Variants in ARHGEF3 observed in about 807,000 individuals in gnomAD.
ARHGEF3 encodes Rho guanine nucleotide exchange factor 3, also known as 59.8 kDA protein.
A neutral mutation model predicts 63.2 loss-of-function variants in ARHGEF3; 28 were observed. The ratio of observed to expected loss-of-function variants is 0.44; its 90% CI spans 0.33 to 0.61. The LOEUF is 0.61. ARHGEF3 is among the 20% of genes least tolerant of loss of function. The pLI is 0.03. For missense variants in ARHGEF3, 533 were observed against 659.3 expected (o/e 0.81, Z 2.10); for synonymous variants, 266 against 254.2 (o/e 1.05, Z -0.44).
At chr3:57,060,463 C>T (rs1162162666) in intron 1 of ARHGEF3, 2 of 152,130 alleles carry the variant, frequency 1.3e-5, no homozygotes, top group Admixed American at 1.3e-4. Flanking sequence ...TACACCTGTC[C>T]CCACCCCCAC....
chr3:57,047,201 A>G (rs1483258786), intron 1 of ARHGEF3, among the ~76,000 whole-genome samples: 1 of 152,136 alleles, frequency 6.6e-6, no homozygotes, highest in Non-Finnish European at 1.5e-5. Context: ...TACAAAAATT[A>G]GCTGGGCGTG....
chr3:56,982,567 T>C (rs1203178780), intron 2 of ARHGEF3, among the ~76,000 whole-genome samples: 2 of 152,204 alleles, frequency 1.3e-5, no homozygotes, highest in African/African-American at 4.8e-5. Flanking sequence ...ACCTACCCTA[T>C]GTCTTACTTA....
chr3:56,786,186 A>G (rs2036799602), intron 1 of ARHGEF3, among the ~76,000 whole-genome samples: 1 of 152,232 alleles, frequency 6.6e-6, no homozygotes, highest in South Asian at 2.1e-4. Context: ...CTGATTATTC[A>G]GAATGGAAAA....
chr3:56,735,438 G>GA (rs1483143784), intron 8 of ARHGEF3, among the ~76,000 whole-genome samples: 65 of 149,878 alleles, frequency 4.3e-4, no homozygotes, highest in African/African-American at 1.4e-3. Flanking sequence ...TCTACCGGGT[G>GA]AAAAAAAAAC....
chr3:57,042,393 A>G (rs1019710353), intron 1 of ARHGEF3, among the ~76,000 whole-genome samples: 37 of 152,126 alleles, frequency 2.4e-4, no homozygotes, highest in African/African-American at 8.7e-4. Flanking sequence ...TGTTTCTAGC[A>G]AAAGAAAAAC....
intron 3 of ARHGEF3, among the ~76,000 whole-genome samples, chr3:56,921,460 G>C (rs1191411006): frequency 7.5e-6 from 1 of 132,952 alleles, no homozygotes; most frequent in Non-Finnish European, 1.7e-5. Context: ...GGTTATCAGG[G>C]AGGCATAAAG....
chr3:57,003,459 T>C (rs1702344628), intron 2 of ARHGEF3, among the ~76,000 whole-genome samples: 1 of 137,430 alleles, frequency 7.3e-6, no homozygotes, highest in African/African-American at 2.8e-5. Context: ...ACCAAGCTCA[T>C]GAGTGACTGA....
chr3:56,966,789 T>C (rs1475194507), intron 2 of ARHGEF3, among the ~76,000 whole-genome samples: 1 of 151,968 alleles, frequency 6.6e-6, no homozygotes, highest in African/African-American at 2.4e-5. Context: ...AAGGGAGTCA[T>C]AGGTGTCCAC....
intron 4 of ARHGEF3, among the ~76,000 whole-genome samples, chr3:56,878,972 T>C (rs926684336): frequency 4.6e-5 from 7 of 152,226 alleles, no homozygotes; most frequent in African/African-American, 1.7e-4. Context: ...ACACACCCTA[T>C]TGTGAACTGC....
intron 3 of ARHGEF3, among the ~76,000 whole-genome samples, chr3:56,907,675 T>C (rs1377747463): frequency 2.6e-5 from 4 of 152,228 alleles, no homozygotes. Flanking sequence ...CACCATGGAA[T>C]ACTATGCAGC....
chr3:56,779,760 AAATGGTTGAG>A (rs1337431706), intron 1 of ARHGEF3, among the ~76,000 whole-genome samples: 2 of 152,264 alleles, frequency 1.3e-5, no homozygotes, highest in African/African-American at 4.8e-5. Context: ...TTTTCTAACA[AAATGGTTGAG>A]AATGAGCCAT....
At chr3:56,740,880 A>G (rs1391886919) in intron 7 of ARHGEF3, among the ~76,000 whole-genome samples, 1 of 152,242 alleles carries the variant, frequency 6.6e-6, no homozygotes, top group African/African-American at 2.4e-5. Flanking sequence ...CGCTATAGTC[A>G]TAAATATGTG....
intron 2 of ARHGEF3, among the ~76,000 whole-genome samples, chr3:56,973,014 T>C (rs1700980224): frequency 6.8e-6 from 1 of 147,870 alleles, no homozygotes; most frequent in Non-Finnish European, 1.5e-5. Context: ...TGGTGAACAG[T>C]TTTTTTGTTT....
intron 2 of ARHGEF3, among the ~76,000 whole-genome samples, chr3:57,024,811 C>CTTGTAATT (rs1361778672): frequency 6.6e-6 from 1 of 152,212 alleles, no homozygotes; most frequent in African/African-American, 2.4e-5. Flanking sequence ...ATTACAAATG[C>CTTGTAATT]TTATCCTTGT....
intron 1 of ARHGEF3, chr3:57,074,473 G>A (rs143352990): frequency 0.033 from 19,496 of 595,138 alleles, 401 homozygotes; most frequent in Non-Finnish European, 0.039. Context: ...GATTCAGAAA[G>A]GTTAAGTTAC....
At chr3:57,059,089 T>C (rs1705079444) in intron 1 of ARHGEF3, among the ~76,000 whole-genome samples, 1 of 151,936 alleles carries the variant, frequency 6.6e-6, no homozygotes, top group African/African-American at 2.4e-5. Flanking sequence ...CATGTATAGA[T>C]ATGTAACAAA....
intron 3 of ARHGEF3, among the ~76,000 whole-genome samples, chr3:56,932,697 G>A (rs1208154329): frequency 1.3e-5 from 2 of 152,238 alleles, no homozygotes; most frequent in Non-Finnish European, 2.9e-5. Context: ...TTTATGGTTC[G>A]TGACATAAAT....
intron 4 of ARHGEF3, among the ~76,000 whole-genome samples, chr3:56,816,326 A>G (rs2038269243): frequency 6.6e-6 from 1 of 152,198 alleles, no homozygotes; most frequent in Non-Finnish European, 1.5e-5. Flanking sequence ...TCTTACCCAA[A>G]ATACTTACTT....
rs397712262 is a variant in ARHGEF3 at position 56,779,486 on chromosome 3, ATTTT to A, written c.97-5674_97-5671del. ...ATGTCAAAATAAAAAGTTTTTTTTT[ATTTT>A]TTTTTTTTGTTTGTTTTTTTGAGAC... On this transcript the variant is annotated intron_variant, in intron 1 of 9. Transcript: ENST00000296315. 1.1e-3 allele frequency among the ~76,000 whole-genome samples: 166 copies of A among 149,916 alleles called. 1 individual carries two copies. Among genetic ancestry groups the A allele is most frequent in the African/African-American group, 3.5e-3 (145 of 41,018 alleles).
Sources: gnomAD v4.1 joint callset for allele counts (sites outside exome capture counted in the v4.1 genomes callset) on GRCh38, gnomAD v4.1.1 for gene constraint, MANE v1.5 for transcripts, NCBI Gene and HGNC (gene_info 2026-07-23, HGNC 2026-07-21) for gene names.